The following CPA4 variants were observed in gnomAD, a reference collection of about 807,000 sequenced individuals.
CPA4 encodes the protein carboxypeptidase A4, also known as carboxypeptidase A3.
CPA4 carries 49 observed loss-of-function variants against 54.7 expected under a neutral mutation model. That is an observed-to-expected ratio of 0.90 (90% confidence interval 0.71 to 1.14). CPA4 has a LOEUF of 1.14. Ranked by LOEUF, CPA4 falls within the 50% of genes most tolerant of loss-of-function variation. The pLI is 0.00. For missense variants in CPA4, 487 were observed against 525.1 expected (o/e 0.93, Z 0.71); for synonymous variants, 215 against 206.8 (o/e 1.04, Z -0.34).
chr7:130,294,653 C>T (rs897719427), intron 1 of CPA4, among the ~76,000 whole-genome samples: 1 of 152,262 alleles, frequency 6.6e-6, no homozygotes, highest in African/African-American at 2.4e-5. Context: ...CCCTAGAATG[C>T]TCTCTGCAGG....
At chr7:130,303,622 G>A (rs1398464236) in intron 4 of CPA4, among the ~76,000 whole-genome samples, 1 of 152,006 alleles carries the variant, frequency 6.6e-6, no homozygotes, top group East Asian at 1.9e-4. Context: ...GAGCCTTGGA[G>A]CTCTTTCTTT....
intron 10 of CPA4, among the ~76,000 whole-genome samples, chr7:130,313,927 G>C (rs538672517): frequency 1.3e-5 from 2 of 152,338 alleles, no homozygotes; most frequent in South Asian, 2.1e-4. Context: ...ATTACTCCAG[G>C]TGGACAAGGA....
intron 2 of CPA4, 71 bp from the exon 3 acceptor site, chr7:130,299,199 T>C (rs1793701340): frequency 1.3e-6 from 2 of 1,500,056 alleles, no homozygotes; most frequent in East Asian, 2.3e-5. Flanking sequence ...GGCAGTGTTC[T>C]AGAAGAATAA....
At chr7:130,317,908 C>A (rs774923808) in intron 10 of CPA4, among the ~76,000 whole-genome samples, 29 of 152,282 alleles carry the variant, frequency 1.9e-4, no homozygotes, top group African/African-American at 6.5e-4. Context: ...ACTGGCTTCA[C>A]TTCAGACCCC....
intron 6 of CPA4, chr7:130,306,405 T>G: frequency 4.4e-6 from 1 of 225,518 alleles, no homozygotes; most frequent in Non-Finnish European, 8.6e-6. Flanking sequence ...AAAGAAAGTC[T>G]GCTGGGAGGG....
intron 9 of CPA4, among the ~76,000 whole-genome samples, chr7:130,311,401 G>A (rs1317170945): frequency 6.6e-6 from 1 of 152,186 alleles, no homozygotes; most frequent in Non-Finnish European, 1.5e-5. Context: ...GGGCCATCAG[G>A]AGCAGGCCTG....
Position 130,296,562 on chromosome 7 carries a change from G to A in CPA4, c.69-2184G>A, listed in dbSNP as rs560523348. ...TTATGTCCTCCTTTTTTCTCCTCCT[G>A]TCCCTTCTTTCTCCTTTTCCTCTTT... is the stretch of plus-strand genomic sequence containing the variant. On this transcript the variant is annotated intron_variant, in intron 1 of 10. Transcript: ENST00000222482. 4.0e-5 allele frequency among the ~76,000 whole-genome samples: 6 copies of A among 151,570 alleles called. No individual in the cohort carries two copies. The South Asian group carries it at 1.3e-3, about 32-fold the overall frequency.
In CPA4 at chr7:130,293,446, A is replaced by G. The variant is rs539255125; in HGVS notation, c.68+198A>G. ...TCATCTGTGAAATCAGGACTAGATGATCATTGCAGTCTCTCCCCAGCTCCC... is the reference window on the plus strand; with the variant it reads ...TCATCTGTGAAATCAGGACTAGATGGTCATTGCAGTCTCTCCCCAGCTCCC... On this transcript the variant is annotated intron_variant, in intron 1 of 10. Coordinates refer to ENST00000222482, the MANE Select transcript of CPA4 (RefSeq NM_016352.4). The G allele has an allele frequency of 1.4e-5, 8 of 564,434 alleles. No homozygotes were observed. In the East Asian group the frequency reaches 2.5e-4, roughly 18 times the overall value. The allele number at this position is 564,434 out of a possible 1,614,324, so 35.0% of individuals were successfully genotyped here. A position where few individuals can be genotyped will look rare whatever the true frequency, so the allele number is the denominator to read the frequency against.
chr7:130,313,186 TTGGGTA>T (rs1793939051), intron 10 of CPA4, among the ~76,000 whole-genome samples: 1 of 152,154 alleles, frequency 6.6e-6, no homozygotes, highest in Non-Finnish European at 1.5e-5. Context: ...GTAGATGTTT[TTGGGTA>T]GTAGTCTGTG....
At chr7:130,298,222 G>T (rs1793681348) in intron 1 of CPA4, among the ~76,000 whole-genome samples, 1 of 152,220 alleles carries the variant, frequency 6.6e-6, no homozygotes, top group South Asian at 2.1e-4. Context: ...TTCCAGCATG[G>T]AGGTTCCGTC....
At chr7:130,306,621 G>T (rs942936633) in intron 6 of CPA4, among the ~76,000 whole-genome samples, 166 bp from the exon 7 acceptor site, 2 of 152,172 alleles carry the variant, frequency 1.3e-5, no homozygotes, top group Non-Finnish European at 2.9e-5. Context: ...AGAGGGCTTT[G>T]CAGAGAGCAG....
intron 1 of CPA4, among the ~76,000 whole-genome samples, chr7:130,297,861 A>G (rs554539637): frequency 1.3e-5 from 2 of 152,310 alleles, no homozygotes; most frequent in Admixed American, 6.5e-5. Flanking sequence ...AGCTGAGAGC[A>G]TAAAGGCAGC....
Position 130,306,822 on chromosome 7 carries a change from C to T in CPA4, c.627C>T (p.Thr209=), listed in dbSNP as rs1178282117. ...VSDYQRDPAI[T]SILEKMDIFL... ...ATTACCAGAGGGATCCAGCTATCACCTCCATCTTGGAGAAAATGGATATTT... is the reference window on the plus strand; with the variant it reads ...ATTACCAGAGGGATCCAGCTATCACTTCCATCTTGGAGAAAATGGATATTT... Residue 209 remains threonine (T), a synonymous_variant, in exon 7 of 11, where the codon ACC becomes ACT. Coordinates refer to ENST00000222482, the MANE Select transcript of CPA4 (RefSeq NM_016352.4). 1.2e-6 allele frequency: 2 copies of T among 1,610,238 alleles called. No individual in the cohort carries two copies. The highest frequency in any genetic ancestry group is 4.5e-5 in the East Asian group (2 of 44,888).
chr7:130,299,288 C>T lies in CPA4; in HGVS notation c.169C>T (p.Pro57Ser). 1 of 1,614,020 alleles carries T rather than the reference C, an allele frequency of 6.2e-7. No homozygotes were observed. The highest frequency in any genetic ancestry group is 8.5e-7 in the Non-Finnish European group (1 of 1,179,844). The change falls in exon 3 of 11, where the codon CCC becomes TCC. Residue 57 changes from proline to serine, a missense_variant. Transcript: ENST00000222482. Reference protein sequence around the residue: ...NNLKLNFWKSPSSFNRPVDVL... With the variant: ...NNLKLNFWKSSSSFNRPVDVL... Reference sequence around the variant, plus strand: ...CCTTCAGCTCAATTTCTGGAAATCTCCCTCCTCCTTCAATCGGCCTGTGGA... The same window carrying T: ...CCTTCAGCTCAATTTCTGGAAATCTTCCTCCTCCTTCAATCGGCCTGTGGA...
chr7:130,300,705 A>G (rs1793726506), intron 3 of CPA4, 111 bp from the exon 4 acceptor site: 1 of 685,534 alleles, frequency 1.5e-6, no homozygotes, highest in Non-Finnish European at 2.6e-6. Flanking sequence ...GTGCTGCTTG[A>G]TATGCTGAAA....
At chr7:130,312,165 A>T (rs1793925788) in intron 10 of CPA4, 43 bp downstream of exon 10, 2 of 1,436,412 alleles carry the variant, frequency 1.4e-6, no homozygotes, top group Admixed American at 1.7e-5. Context: ...AAGCACTTTG[A>T]GAGGAAACTT....
chr7:130,321,389 A>G (rs1467469637), intron 10 of CPA4, among the ~76,000 whole-genome samples: 1 of 151,928 alleles, frequency 6.6e-6, no homozygotes, highest in African/African-American at 2.4e-5. Flanking sequence ...AAATCCTAAA[A>G]CTTAGCAGCT....
Position 130,293,198 on chromosome 7 carries a change from C to A in CPA4, c.18C>A (p.Phe6Leu). The A allele has an allele frequency of 6.2e-7, 1 of 1,611,696 alleles. No individual in the cohort carries two copies. Among genetic ancestry groups the A allele is most frequent in the Non-Finnish European group, 8.5e-7 (1 of 1,177,792 alleles). Reference sequence around the variant, plus strand: ...CCGGGGACATGAGGTGGATACTGTTCATTGGGGCCCTTATTGGGTCCAGCA... The same window carrying A: ...CCGGGGACATGAGGTGGATACTGTTAATTGGGGCCCTTATTGGGTCCAGCA... MRWILFIGALIGSSIC... is the reference protein window; with the variant it reads MRWILLIGALIGSSIC... Residue 6 changes from phenylalanine (F) to leucine (L), a missense_variant, in exon 1 of 11, where the codon TTC (phenylalanine) becomes TTA (leucine). Coordinates refer to ENST00000222482, the MANE Select transcript of CPA4 (RefSeq NM_016352.4).
intron 1 of CPA4, 133 bp from the exon 2 acceptor site, chr7:130,298,613 T>A: frequency 1.7e-6 from 1 of 599,376 alleles, no homozygotes. Flanking sequence ...TGGCCATACA[T>A]TAAAACCAAA....
Sources: gnomAD v4.1 joint callset for allele counts (sites outside exome capture counted in the v4.1 genomes callset) on GRCh38, gnomAD v4.1.1 for gene constraint, MANE v1.5 for transcripts, NCBI Gene and HGNC (gene_info 2026-07-23, HGNC 2026-07-21) for gene names.